Variants in LIMCH1 observed in about 807,000 individuals in gnomAD.
LIMCH1 encodes the protein LIM and calponin homology domains-containing protein 1.
A neutral mutation model predicts 176.5 loss-of-function variants in LIMCH1; 113 were observed. The observed-to-expected ratio is 0.64, with a 90% CI of 0.55 to 0.75. LIMCH1 has a LOEUF of 0.75. LIMCH1 is among the 30% of genes least tolerant of loss of function. The pLI is 0.00. For synonymous variants in LIMCH1, 619 were observed against 645.9 expected, an observed-to-expected ratio of 0.96 and a Z score of 0.63; for missense variants, 1,674 against 1,814.9, an observed-to-expected ratio of 0.92 and a Z score of 1.41.
chr4:41,671,836 G>C (rs1299866451), intron 22 of LIMCH1, among the ~76,000 whole-genome samples: 1 of 129,468 alleles, frequency 7.7e-6, no homozygotes, highest in Non-Finnish European at 1.5e-5. Flanking sequence ...GTGGCACCGA[G>C]ATCGTGTCAC....
chr4:41,435,281 A>G (rs959550152), intron 1 of LIMCH1, among the ~76,000 whole-genome samples: 4 of 152,178 alleles, frequency 2.6e-5, no homozygotes, highest in Admixed American at 2.6e-4. Context: ...CAGGTATTGG[A>G]GTGATGCATT....
intron 1 of LIMCH1, among the ~76,000 whole-genome samples, chr4:41,465,194 C>A (rs1348067238): frequency 1.3e-5 from 2 of 152,256 alleles, no homozygotes; most frequent in East Asian, 3.9e-4. Flanking sequence ...AGCAGAGCCC[C>A]CAACTTTCTT....
chr4:41,663,107 T>C (rs2094686155), intron 20 of LIMCH1, 123 bp downstream of exon 20: 1 of 917,708 alleles, frequency 1.1e-6, no homozygotes, highest in African/African-American at 1.7e-5. Flanking sequence ...TCTTTTTTCC[T>C]ATCTTTAATC....
At chr4:41,636,346 T>TAA (rs2093591423) in intron 13 of LIMCH1, among the ~76,000 whole-genome samples, 3 of 149,314 alleles carry the variant, frequency 2.0e-5, no homozygotes, top group African/African-American at 7.4e-5. Context: ...ATTACTTTTT[T>TAA]TTTTTTTTTT....
intron 21 of LIMCH1, among the ~76,000 whole-genome samples, chr4:41,668,307 G>C (rs886530266): frequency 1.3e-5 from 2 of 152,174 alleles, no homozygotes; most frequent in Non-Finnish European, 2.9e-5. Flanking sequence ...TGTTTTCAAA[G>C]CATTTGTCTT....
intron 20 of LIMCH1, among the ~76,000 whole-genome samples, chr4:41,663,804 G>A (rs1304403340): frequency 7.1e-6 from 1 of 141,492 alleles, no homozygotes; most frequent in African/African-American, 2.7e-5. Flanking sequence ...GATCACTTGA[G>A]CCCAGGAGTT....
intron 1 of LIMCH1, among the ~76,000 whole-genome samples, chr4:41,589,582 G>T (rs1437400950): frequency 1.3e-5 from 2 of 152,188 alleles, no homozygotes; most frequent in African/African-American, 4.8e-5. Context: ...CTGAAACAGT[G>T]CTCTGGTCTG....
At chr4:41,398,525 C>T (rs2058053121) in intron 1 of LIMCH1, among the ~76,000 whole-genome samples, 1 of 152,004 alleles carries the variant, frequency 6.6e-6, no homozygotes, top group South Asian at 2.1e-4. Context: ...CTTTGCTGTT[C>T]AAATGGGGAG....
At chr4:41,483,971 C>T (rs2069097387) in intron 1 of LIMCH1, among the ~76,000 whole-genome samples, 1 of 152,188 alleles carries the variant, frequency 6.6e-6, no homozygotes, top group Admixed American at 6.5e-5. Context: ...AGCCCTTGGG[C>T]AAGTTACTTA....
chr4:41,608,897 T>C (rs1213570761), intron 4 of LIMCH1, among the ~76,000 whole-genome samples: 3 of 152,190 alleles, frequency 2.0e-5, no homozygotes, highest in Admixed American at 6.5e-5. Context: ...TATTTCTTCC[T>C]ATAGGCAAAC....
intron 1 of LIMCH1, among the ~76,000 whole-genome samples, chr4:41,403,214 G>A (rs78143928): frequency 0.018 from 2,727 of 152,060 alleles, 84 homozygotes; most frequent in African/African-American, 0.062. Flanking sequence ...GGGGGTGGTG[G>A]GGGAAGATGG....
intron 1 of LIMCH1, among the ~76,000 whole-genome samples, chr4:41,588,012 G>A (rs4995351): frequency 0.35 from 53,016 of 151,856 alleles, 14,812 homozygotes; most frequent in African/African-American, 0.78. Flanking sequence ...GTATACATGT[G>A]CCATGCTGGT....
intron 21 of LIMCH1, among the ~76,000 whole-genome samples, chr4:41,669,335 GC>G (rs1190761310): frequency 1.3e-5 from 2 of 152,212 alleles, no homozygotes; most frequent in East Asian, 3.8e-4. Context: ...TAGAATAGCA[GC>G]AGGAGGAGTA....
chr4:41,595,995 A>G (rs1421171345), intron 1 of LIMCH1, among the ~76,000 whole-genome samples: 1 of 150,184 alleles, frequency 6.7e-6, no homozygotes, highest in Non-Finnish European at 1.5e-5. Flanking sequence ...GGCTGAAGTG[A>G]GCCGAGATTG....
At chr4:41,457,552 T>C (rs138317649) in intron 1 of LIMCH1, among the ~76,000 whole-genome samples, 274 of 152,092 alleles carry the variant, frequency 1.8e-3, no homozygotes, top group African/African-American at 6.2e-3. Context: ...TATTTTTATT[T>C]TATAAGTGAA....
At chr4:41,407,293 A>G (rs1028720524) in intron 1 of LIMCH1, among the ~76,000 whole-genome samples, 1 of 152,162 alleles carries the variant, frequency 6.6e-6, no homozygotes, top group African/African-American at 2.4e-5. Flanking sequence ...CAGTGGTGCA[A>G]TCATGGCTCA....
chr4:41,658,499 A>G (rs146826369), intron 18 of LIMCH1, among the ~76,000 whole-genome samples: 458 of 152,330 alleles, frequency 3.0e-3, no homozygotes, highest in Middle Eastern at 0.017. Flanking sequence ...TGCTGGTACA[A>G]TAAGCCTTAG....
intron 1 of LIMCH1, among the ~76,000 whole-genome samples, chr4:41,574,443 C>T (rs1400249198): frequency 6.6e-6 from 1 of 151,788 alleles, no homozygotes; most frequent in African/African-American, 2.4e-5. Context: ...ACTGCCACCA[C>T]ACCTGGCTAA....
intron 2 of LIMCH1, among the ~76,000 whole-genome samples, chr4:41,499,752 AG>A (rs2072905762): frequency 1.3e-5 from 2 of 152,180 alleles, no homozygotes; most frequent in South Asian, 4.1e-4. Flanking sequence ...CGGGAGGCGG[AG>A]ATTGCAGTGA....
Sources: allele counts gnomAD v4.1 joint callset (sites outside exome capture counted in the v4.1 genomes callset), GRCh38; gene constraint gnomAD v4.1.1; transcripts MANE v1.5; gene names NCBI Gene and HGNC (gene_info 2026-07-23, HGNC 2026-07-21).